The following TCF4 variants were observed in gnomAD, a reference collection of about 807,000 sequenced individuals.
TCF4 encodes the protein transcription factor 4.
Under a neutral mutation model 82.1 loss-of-function variants are expected in TCF4, and 3 were observed. The ratio of observed to expected loss-of-function variants is 0.04; its 90% CI spans 0.02 to 0.09. TCF4 has a LOEUF of 0.09. Ranked by LOEUF, TCF4 falls within the 10% of genes least tolerant of loss-of-function variation. The pLI, the probability that TCF4 is intolerant of heterozygous loss-of-function variation, is 1.00. For synonymous variants in TCF4, 276 were observed against 309.6 expected, an observed-to-expected ratio of 0.89 and a Z score of 1.14; for missense variants, 518 against 852.7, an observed-to-expected ratio of 0.61 and a Z score of 4.89.
intron 3 of TCF4, among the ~76,000 whole-genome samples, chr18:55,570,889 CAA>C (rs201400921): frequency 1.8e-3 from 122 of 67,740 alleles, no homozygotes; most frequent in South Asian, 8.3e-3. Context: ...GACCCTGCCT[CAA>C]AAAAAAAAAA....
chr18:55,324,380 C>G (rs922534264), intron 8 of TCF4, among the ~76,000 whole-genome samples: 1 of 152,194 alleles, frequency 6.6e-6, no homozygotes, highest in Non-Finnish European at 1.5e-5. Flanking sequence ...GGCTTGTCAA[C>G]TGAGACATTT....
chr18:55,367,813 A>T (rs1336824340), intron 6 of TCF4, among the ~76,000 whole-genome samples: 1 of 152,262 alleles, frequency 6.6e-6, no homozygotes, highest in African/African-American at 2.4e-5. Context: ...TGCAAAAATG[A>T]ATGATTAATA....
At chr18:55,457,759 C>T (rs2095794023) in intron 5 of TCF4, among the ~76,000 whole-genome samples, 1 of 152,124 alleles carries the variant, frequency 6.6e-6, no homozygotes, top group African/African-American at 2.4e-5. Flanking sequence ...GAAATAGAGA[C>T]ACAAATGAAC....
chr18:55,413,169 AT>A (rs1047194142), intron 5 of TCF4, among the ~76,000 whole-genome samples: 28 of 152,226 alleles, frequency 1.8e-4, no homozygotes, highest in African/African-American at 6.3e-4. Flanking sequence ...ATAGATATGT[AT>A]AATACATACA....
chr18:55,556,800 T>C (rs923264041), intron 3 of TCF4, among the ~76,000 whole-genome samples: 15 of 152,246 alleles, frequency 9.9e-5, no homozygotes, highest in African/African-American at 3.4e-4. Context: ...ATTACTGTTA[T>C]TCAGTTCAGT....
chr18:55,408,670 C>T (rs2146623449), intron 5 of TCF4, among the ~76,000 whole-genome samples: 1 of 152,208 alleles, frequency 6.6e-6, no homozygotes, highest in South Asian at 2.1e-4. Context: ...GTAATAGAAA[C>T]ACCATTTTGC....
At position 55,527,347 on chromosome 18, in the gene TCF4, G is replaced by C. The variant is rs1395233796; in HGVS notation, c.145+57933C>G. 3.3e-5 allele frequency among the ~76,000 whole-genome samples: 5 copies of C among 152,294 alleles called. No homozygotes were observed. In the East Asian group the frequency reaches 9.7e-4, roughly 29 times the overall value. On this transcript the variant is annotated intron_variant, in intron 3 of 19. Transcript: ENST00000354452. ...GTAACAGCTATCTGGAAGAGTCTTT[G>C]TCCTGTGATAAAATCCACCCATTAC...
At chr18:55,563,429 A>G (rs2097372957) in intron 3 of TCF4, among the ~76,000 whole-genome samples, 1 of 152,212 alleles carries the variant, frequency 6.6e-6, no homozygotes, top group African/African-American at 2.4e-5. Flanking sequence ...TAGTGAATGA[A>G]AGCTTGATCC....
intron 3 of TCF4, among the ~76,000 whole-genome samples, chr18:55,583,917 A>C (rs1464079007): frequency 6.6e-6 from 1 of 152,170 alleles, no homozygotes; most frequent in Non-Finnish European, 1.5e-5. Flanking sequence ...ATACTAATAT[A>C]AAAACTATCC....
At chr18:55,246,921 A>G (rs559111355) in intron 15 of TCF4, among the ~76,000 whole-genome samples, 3 of 152,160 alleles carry the variant, frequency 2.0e-5, no homozygotes, top group Non-Finnish European at 4.4e-5. Flanking sequence ...GCTTGGGTGA[A>G]ATTCTGTAAC....
At chr18:55,395,165 A>G (rs1357102142) in intron 6 of TCF4, among the ~76,000 whole-genome samples, 9 of 152,236 alleles carry the variant, frequency 5.9e-5, no homozygotes, top group African/African-American at 1.9e-4. Context: ...TTTTGAGTAT[A>G]CTGCCTTTCT....
Position 55,427,299 on chromosome 18 carries a change from A to G in TCF4, c.305-23781T>C, listed in dbSNP as rs181918748. Among the ~76,000 whole-genome samples, 726 of 152,328 alleles carry G rather than the reference A, an allele frequency of 4.8e-3. 13 individuals carry two copies. The highest frequency in any genetic ancestry group is 2.6e-3 in the Non-Finnish European group (180 of 68,032). ...AGGGGAGCCTGGAAATATGGCTTCTAAATTTCAGTTCTGCCAATAGCTAGC... is the reference window on the plus strand; with the variant it reads ...AGGGGAGCCTGGAAATATGGCTTCTGAATTTCAGTTCTGCCAATAGCTAGC... On this transcript the variant is annotated intron_variant, in intron 5 of 19. Transcript: ENST00000354452.
chr18:55,520,513 T>A (rs2096924316), intron 3 of TCF4, among the ~76,000 whole-genome samples: 1 of 152,238 alleles, frequency 6.6e-6, no homozygotes, highest in Admixed American at 6.5e-5. Context: ...TTAAATTCTC[T>A]GATTTTTGTT....
At position 55,365,241 on chromosome 18, in the gene TCF4, A is replaced by ATG. The variant is rs1409928101; in HGVS notation, c.370-14240_370-14239dup. 2.1e-3 allele frequency among the ~76,000 whole-genome samples: 268 copies of ATG among 125,542 alleles called. 2 individuals carry two copies. The highest frequency in any genetic ancestry group is 4.0e-3 in the Middle Eastern group (1 of 248). 82.4% of individuals were successfully genotyped at this position (125,542 alleles called of 152,430 possible). ...TATGTGTGTGTGTGTGTGTATATAT[A>ATG]TGTGTGTGTATATATATATATATAT... On this transcript the variant is annotated intron_variant, in intron 6 of 19. Transcript: ENST00000354452.
At chr18:55,394,157 G>A (rs548960839) in intron 6 of TCF4, among the ~76,000 whole-genome samples, 1 of 152,192 alleles carries the variant, frequency 6.6e-6, no homozygotes, top group South Asian at 2.1e-4. Context: ...ATAACTTACT[G>A]TATACAATGC....
At chr18:55,362,256 C>T (rs943423199) in intron 6 of TCF4, among the ~76,000 whole-genome samples, 4 of 150,622 alleles carry the variant, frequency 2.7e-5, no homozygotes, top group Non-Finnish European at 4.4e-5. Context: ...TTGGAGGCTG[C>T]GGTGAGTTAT....
At chr18:55,396,872 T>G (rs1347491496) in intron 6 of TCF4, among the ~76,000 whole-genome samples, 1 of 152,106 alleles carries the variant, frequency 6.6e-6, no homozygotes, top group Non-Finnish European at 1.5e-5. Flanking sequence ...AACATGAAAC[T>G]GATAGTGTTA....
chr18:55,498,220 A>C (rs2096658989), intron 3 of TCF4, among the ~76,000 whole-genome samples: 1 of 152,188 alleles, frequency 6.6e-6, no homozygotes, highest in Admixed American at 6.5e-5. Flanking sequence ...GGGGTTAAGC[A>C]AGTACAGCAC....
intron 3 of TCF4, among the ~76,000 whole-genome samples, chr18:55,568,536 T>C (rs2097430439): frequency 6.6e-6 from 1 of 151,644 alleles, no homozygotes; most frequent in Admixed American, 6.6e-5. Flanking sequence ...TCCATATAAG[T>C]TTATATATAT....
Sources: allele counts gnomAD v4.1 joint callset (sites outside exome capture counted in the v4.1 genomes callset), GRCh38; gene constraint gnomAD v4.1.1; transcripts MANE v1.5; gene names NCBI Gene and HGNC (gene_info 2026-07-23, HGNC 2026-07-21).